Variants in MYO18B observed in about 807,000 individuals in gnomAD.
MYO18B encodes the protein myosin XVIIIB.
A neutral mutation model predicts 273.0 loss-of-function variants in MYO18B; 204 were observed. That is an observed-to-expected ratio of 0.75 (90% CI 0.67 to 0.84). The LOEUF is 0.84. MYO18B is among the 40% of genes least tolerant of loss of function. The pLI, the probability that MYO18B is intolerant of heterozygous loss-of-function variation, is 0.00. For missense variants in MYO18B, 3,212 were observed against 3,287.6 expected, an observed-to-expected ratio of 0.98 and a Z score of 0.56; for synonymous variants, 1,330 against 1,305.7, an observed-to-expected ratio of 1.02 and a Z score of -0.40.
intron 33 of MYO18B, among the ~76,000 whole-genome samples, chr22:25,920,055 T>C (rs909602891): frequency 3.9e-5 from 6 of 152,128 alleles, no homozygotes; most frequent in African/African-American, 1.4e-4. Context: ...CATCAGCAAA[T>C]GGTGAGCCAG....
chr22:25,947,491 C>G (rs2092726344), intron 35 of MYO18B, among the ~76,000 whole-genome samples: 1 of 61,348 alleles, frequency 1.6e-5, no homozygotes, highest in Non-Finnish European at 3.3e-5. Context: ...GCCTAATACA[C>G]ACACACACAC....
At chr22:26,045,127 C>T in the MYO18B span, among the ~76,000 whole-genome samples, 1 of 151,488 alleles carries the variant, frequency 6.6e-6, no homozygotes, top group Admixed American at 6.6e-5. Flanking sequence ...CAGTTTTAAG[C>T]CTAGGTCTCA....
At chr22:25,856,463 C>G (rs1389731340) in intron 21 of MYO18B, among the ~76,000 whole-genome samples, 6 of 152,172 alleles carry the variant, frequency 3.9e-5, no homozygotes, top group African/African-American at 1.4e-4. Context: ...TTCACCAGAT[C>G]CTGTGCTAGG....
At position 25,947,806 on chromosome 22, in the gene MYO18B, A is replaced by G; in HGVS notation, c.5726A>G (p.Lys1909Arg). Residue 1909 changes from lysine (K) to arginine (R), a missense_variant, in exon 36 of 44, where the codon AAG becomes AGG. Transcript: ENST00000335473. ...DQDDLNELMQKHKDLIAQSAA... is the reference protein window; with the variant it reads ...DQDDLNELMQRHKDLIAQSAA... ...GATGACCTGAATGAGCTGATGCAGA[A>G]GCACAAGGACCTCATTGCTCAGGTA... 1 of 1,613,920 alleles carries G rather than the reference A, an allele frequency of 6.2e-7. No homozygotes were observed. The highest frequency in any genetic ancestry group is 8.5e-7 in the Non-Finnish European group (1 of 1,179,850).
At position 26,030,765 on chromosome 22, in the gene MYO18B, T is replaced by TA; in HGVS notation, c.*336dup. 2.5e-6 allele frequency: 1 copy of TA among 395,198 alleles called. No individual in the cohort carries two copies. Among genetic ancestry groups the TA allele is most frequent in the Non-Finnish European group, 4.5e-6 (1 of 224,456 alleles). 24.5% of individuals were successfully genotyped at this position (395,198 alleles called of 1,614,324 possible). A position where few individuals can be genotyped will look rare whatever the true frequency, so the allele number is the denominator to read the frequency against. ...GTGTGTAGTTTGGGGTGTATACTTC[T>TA]ATTTCTCTTCCTACATGTCTACATG... On this transcript the variant is annotated 3_prime_UTR_variant, in exon 44 of 44. Coordinates refer to ENST00000335473, the MANE Select transcript of MYO18B (RefSeq NM_032608.7).
chr22:25,763,163 T>C, intron 2 of MYO18B, 68 bp from the exon 3 acceptor site: 2 of 1,536,164 alleles, frequency 1.3e-6, no homozygotes, highest in Non-Finnish European at 1.8e-6. Context: ...CATCACAAAC[T>C]TTGAAGGGCA....
chr22:25,822,661 G>A (rs1017489232), intron 12 of MYO18B, among the ~76,000 whole-genome samples: 19 of 152,310 alleles, frequency 1.2e-4, no homozygotes, highest in Non-Finnish European at 1.9e-4. Context: ...CTCAGACACC[G>A]GATTAAAGAA....
chr22:25,794,745 CCA>C (rs1181533762), intron 11 of MYO18B, among the ~76,000 whole-genome samples: 6 of 152,130 alleles, frequency 3.9e-5, no homozygotes, highest in Non-Finnish European at 7.3e-5. Context: ...ACCTCATGAT[CCA>C]TCCATCTCGG....
chr22:25,962,611 A>G (rs904451408), intron 39 of MYO18B, among the ~76,000 whole-genome samples: 3 of 152,182 alleles, frequency 2.0e-5, no homozygotes, highest in Non-Finnish European at 2.9e-5. Context: ...TGCATTTCTC[A>G]AGATCTAGAG....
the MYO18B span, among the ~76,000 whole-genome samples, chr22:26,047,176 G>A: frequency 2.0e-5 from 3 of 150,328 alleles, no homozygotes; most frequent in East Asian, 5.9e-4. Flanking sequence ...ACCCAGGCTG[G>A]AGTGTAGTGG....
At chr22:25,799,537 C>T (rs1254950377) in intron 12 of MYO18B, among the ~76,000 whole-genome samples, 4 of 152,288 alleles carry the variant, frequency 2.6e-5, no homozygotes, top group South Asian at 4.2e-4. Flanking sequence ...CTGGAAGTTG[C>T]TTATTGAATG....
Position 25,921,290 on chromosome 22 carries a change from C to T in MYO18B, c.5398C>T (p.Leu1800Phe), listed in dbSNP as rs1398746890. Residue 1800 changes from leucine (L) to phenylalanine (F), a missense_variant, in exon 34 of 44, where the codon CTT (leucine) becomes TTT (phenylalanine). Transcript: ENST00000335473. ...TCGGGACTTTGATGTGGAGAAGCGA[C>T]TTCGGAGAGACCTCAGGAGGACACA... ...GHRDFDVEKR[L>F]RRDLRRTHAL... 6.4e-7 allele frequency: 1 copy of T among 1,554,734 alleles called. No individual in the cohort carries two copies. The highest frequency in any genetic ancestry group is 8.7e-7 in the Non-Finnish European group (1 of 1,148,640).
rs960503408 is a variant in MYO18B at position 25,770,095 on chromosome 22, G to T, written c.1513-15G>T. The stretch of plus-strand genomic sequence containing the variant: ...TGCCATTTGCTGGTTTAATTTACGT[G>T]ATGTTGGTTCTCAGGCTCCTGAGGA... On this transcript the variant is annotated splice_polypyrimidine_tract_variant and intron_variant, in intron 4 of 43. Transcript: ENST00000335473. The T allele has an allele frequency of 9.3e-6, 15 of 1,613,688 alleles. No homozygotes were observed. Among genetic ancestry groups the T allele is most frequent in the Non-Finnish European group, 1.3e-5 (15 of 1,179,776 alleles).
chr22:25,894,503 A>G (rs1601500054), intron 27 of MYO18B, among the ~76,000 whole-genome samples: 1 of 152,348 alleles, frequency 6.6e-6, no homozygotes, highest in Non-Finnish European at 1.5e-5. Context: ...AGTTTTAATC[A>G]AACCAGCCAA....
intron 2 of MYO18B, among the ~76,000 whole-genome samples, chr22:25,762,490 G>T (rs1356957958): frequency 6.6e-6 from 1 of 152,254 alleles, no homozygotes; most frequent in Non-Finnish European, 1.5e-5. Context: ...CCGGTCTCAT[G>T]CCTCAGCCTC....
intron 12 of MYO18B, among the ~76,000 whole-genome samples, chr22:25,798,664 A>G (rs2145763259): frequency 6.6e-6 from 1 of 152,134 alleles, no homozygotes; most frequent in South Asian, 2.1e-4. Context: ...GGCTCAAGCA[A>G]TCCTCCCGCC....
chr22:25,837,226 T>G (rs1278145656), intron 17 of MYO18B, among the ~76,000 whole-genome samples: 2 of 152,048 alleles, frequency 1.3e-5, no homozygotes, highest in Middle Eastern at 3.4e-3. Flanking sequence ...GTGACTCTGG[T>G]TGAGGTCACT....
chr22:25,782,909 G>T (rs577249569), intron 10 of MYO18B, among the ~76,000 whole-genome samples: 28 of 152,310 alleles, frequency 1.8e-4, no homozygotes, highest in Middle Eastern at 6.8e-3. Context: ...AGAGTGACAG[G>T]TACCACAGAC....
the MYO18B span, among the ~76,000 whole-genome samples, chr22:26,044,686 C>T: frequency 1.3e-5 from 2 of 152,190 alleles, no homozygotes; most frequent in South Asian, 2.1e-4. Context: ...ATTTTGGAGC[C>T]AGGAAGAACT....
Sources: gnomAD v4.1 joint callset for allele counts (sites outside exome capture counted in the v4.1 genomes callset) on GRCh38, gnomAD v4.1.1 for gene constraint, MANE v1.5 for transcripts, NCBI Gene and HGNC (gene_info 2026-07-23, HGNC 2026-07-21) for gene names.